BCAS3: variants seen among roughly 807,000 people sequenced by gnomAD.
The protein encoded by BCAS3 is BCAS3 microtubule associated cell migration factor, also known as BCAS4/BCAS3 fusion.
A neutral mutation model predicts 116.1 loss-of-function variants in BCAS3; 53 were observed. The observed-to-expected ratio is 0.46, with a 90% CI of 0.37 to 0.57. The LOEUF (loss-of-function observed/expected upper bound fraction) is 0.57. Ranked by LOEUF, BCAS3 falls within the 20% of genes least tolerant of loss-of-function variation. The pLI, the probability that BCAS3 is intolerant of heterozygous loss-of-function variation, is 0.00. For synonymous variants in BCAS3, 391 were observed against 408.2 expected, an observed-to-expected ratio of 0.96 and a Z score of 0.51; for missense variants, 917 against 1,165.4, an observed-to-expected ratio of 0.79 and a Z score of 3.10.
Position 60,747,268 on chromosome 17 carries a change from C to T in BCAS3, c.392C>T (p.Ala131Val), listed in dbSNP as rs951628149. 6.2e-7 allele frequency: 1 copy of T among 1,612,568 alleles called. No individual in the cohort carries two copies. The highest frequency in any genetic ancestry group is 1.3e-5 in the African/African-American group (1 of 74,914). ...ATTCGAGCGGCTAGAATCTTGCCTGCTCCACAGTTTGGTGAGTGTAGTCCT... is the reference window on the plus strand; with the variant it reads ...ATTCGAGCGGCTAGAATCTTGCCTGTTCCACAGTTTGGTGAGTGTAGTCCT... The part of the protein sequence containing the change: ...GPIRAARILP[A>V]PQFGAQKCDN... The change falls in exon 6 of 24, where the codon GCT (alanine) becomes GTT (valine). Residue 131 changes from alanine (A) to valine (V), a missense_variant. Physicochemically the swap from Ala to Val is moderately conservative, Grantham distance 64. Around this residue, in one of 3 missense-constraint regions of BCAS3, gnomAD observed 807 missense variants for 1,026.0 expected, o/e 0.79. Transcript: ENST00000407086.
intron 22 of BCAS3, among the ~76,000 whole-genome samples, chr17:61,127,169 T>A (rs2076089235): frequency 6.6e-6 from 1 of 152,170 alleles, no homozygotes; most frequent in African/African-American, 2.4e-5. Context: ...CAAGTATCAG[T>A]ACTTCTCTAT....
In BCAS3 at chr17:61,065,166, A is replaced by G. The variant is rs1051502470; in HGVS notation, c.2030-9754A>G. 1.3e-5 allele frequency among the ~76,000 whole-genome samples: 2 copies of G among 152,174 alleles called. No individual in the cohort carries two copies. Among genetic ancestry groups the G allele is most frequent in the African/African-American group, 2.4e-5 (1 of 41,454 alleles). On this transcript the variant is annotated intron_variant, in intron 19 of 23. Transcript: ENST00000407086. The surrounding 1 kb of genome is among the most constrained non-coding windows in gnomAD (Gnocchi z 4.8). ...GATAACTTGAATCATTAAATCTCCA[A>G]TTACTACGATTTAAATATGTTTGTT...
intron 7 of BCAS3, among the ~76,000 whole-genome samples, chr17:60,826,737 C>T (rs1202784430): frequency 6.6e-6 from 1 of 152,162 alleles, no homozygotes; most frequent in Admixed American, 6.5e-5. Context: ...CTTCTCATCT[C>T]TCCTGAGCTA....
Position 61,077,504 on chromosome 17 carries a change from G to A in BCAS3, c.2131-829G>A, listed in dbSNP as rs919762603. On this transcript the variant is annotated intron_variant, in intron 20 of 23. Transcript: ENST00000407086. The surrounding 1 kb of genome is among the most constrained non-coding windows in gnomAD (Gnocchi z 4.3). ...TGCACTCCAGTCTGGGCAACAGAGC[G>A]AGACTCCGTCTCAAAAAAAAAATGA... is the stretch of plus-strand genomic sequence containing the variant. Among the ~76,000 whole-genome samples, 2 of 151,916 alleles carry A rather than the reference G, an allele frequency of 1.3e-5. No individual in the cohort carries two copies. Among genetic ancestry groups the A allele is most frequent in the Non-Finnish European group, 2.9e-5 (2 of 67,968 alleles).
chr17:60,751,699 C>T (rs1316498293), intron 6 of BCAS3, among the ~76,000 whole-genome samples: 1 of 152,032 alleles, frequency 6.6e-6, no homozygotes, highest in Non-Finnish European at 1.5e-5. Flanking sequence ...TGTGCCACCA[C>T]ACCCGACTAG....
At chr17:60,712,690 C>T (rs775626122) in intron 5 of BCAS3, among the ~76,000 whole-genome samples, 2 of 151,968 alleles carry the variant, frequency 1.3e-5, no homozygotes, top group Non-Finnish European at 2.9e-5. Flanking sequence ...GGGAATTATC[C>T]CCTCTCCCTC....
chr17:60,728,184 C>G (rs545602398), intron 5 of BCAS3, among the ~76,000 whole-genome samples: 37 of 152,198 alleles, frequency 2.4e-4, no homozygotes, highest in African/African-American at 8.9e-4. Context: ...TAATATCACA[C>G]AGAATACTCT....
rs766636406 is a variant in BCAS3 at position 60,693,417 on chromosome 17, A to ATT, written c.214+3666_214+3667dup. Among the ~76,000 whole-genome samples, 10 of 146,848 alleles carry ATT rather than the reference A, an allele frequency of 6.8e-5. 1 individual carries two copies. Among genetic ancestry groups the ATT allele is most frequent in the African/African-American group, 2.3e-4 (9 of 39,954 alleles). Reference sequence around the variant, plus strand: ...TACTTCATACTTGGCCAGTTTTTGTATTTTTTTTTTTGACAGAGTCTCACT... The same window carrying ATT: ...TACTTCATACTTGGCCAGTTTTTGTATTTTTTTTTTTTTGACAGAGTCTCACT... On this transcript the variant is annotated intron_variant, in intron 4 of 23. Coordinates refer to ENST00000407086, the MANE Select transcript of BCAS3 (RefSeq NM_017679.5).
intron 22 of BCAS3, among the ~76,000 whole-genome samples, chr17:61,284,497 T>G (rs1018038591): frequency 6.6e-6 from 1 of 152,112 alleles, no homozygotes; most frequent in Non-Finnish European, 1.5e-5. Flanking sequence ...ACTGTAACAC[T>G]CATCGCGAGG....
At chr17:60,955,871 C>G (rs772705457) in intron 14 of BCAS3, among the ~76,000 whole-genome samples, 6 of 152,170 alleles carry the variant, frequency 3.9e-5, no homozygotes, top group South Asian at 2.1e-4. Context: ...ACAGGAATGT[C>G]ACAGAGTAGG....
rs185102160 is a variant in BCAS3, at chr17:60,872,242, A to G, written c.585-2420A>G. ...AAATAAATTATGAGAAGGAATGAGAATATTATATGCGTGTATGTGTATATA... is the reference window on the plus strand; with the variant it reads ...AAATAAATTATGAGAAGGAATGAGAGTATTATATGCGTGTATGTGTATATA... On this transcript the variant is annotated intron_variant, in intron 8 of 23. Transcript: ENST00000407086. Among the ~76,000 whole-genome samples the G allele has an allele frequency of 1.4e-3, 208 of 151,956 alleles. 1 individual carries two copies. The highest frequency in any genetic ancestry group is 5.6e-4 in the Non-Finnish European group (38 of 67,872).
chr17:60,709,689 T>C (rs1242840251), intron 5 of BCAS3: 1 of 232,362 alleles, frequency 4.3e-6, no homozygotes, highest in Non-Finnish European at 8.4e-6. Flanking sequence ...GCACCCAGCA[T>C]ATGTCTGTGT....
At chr17:60,769,173 C>T (rs1211849373) in intron 6 of BCAS3, among the ~76,000 whole-genome samples, 1 of 152,114 alleles carries the variant, frequency 6.6e-6, no homozygotes, top group Non-Finnish European at 1.5e-5. Context: ...ACTAGACTGG[C>T]TGGATGAGTA....
At chr17:60,941,090 C>CA (rs1183679374) in intron 13 of BCAS3, among the ~76,000 whole-genome samples, 19 of 152,344 alleles carry the variant, frequency 1.2e-4, no homozygotes, top group African/African-American at 3.8e-4. Flanking sequence ...CTTGAATCCC[C>CA]ACCCTCTAAC....
Position 61,211,663 on chromosome 17 carries a change from T to C in BCAS3, c.2425+127099T>C, listed in dbSNP as rs1201115970. On this transcript the variant is annotated intron_variant, in intron 22 of 23. Transcript: ENST00000407086. The surrounding 1 kb of genome is among the most constrained non-coding windows in gnomAD (Gnocchi z 4.4). ...CTTCTTATGTTTGCATCCAGGTCAT[T>C]TCTCCATAAAAAAAAAAAAAAAATG... Among the ~76,000 whole-genome samples, 3 of 71,018 alleles carry C rather than the reference T, an allele frequency of 4.2e-5. No homozygotes were observed. Among genetic ancestry groups the C allele is most frequent in the African/African-American group, 1.2e-4 (3 of 24,448 alleles). The allele number at this position is 71,018 out of a possible 152,430, so 46.6% of individuals were successfully genotyped here. A position where few individuals can be genotyped will look rare whatever the true frequency, so the allele number is the denominator to read the frequency against.
rs140250209 is a variant in BCAS3, at chr17:61,011,753, A to C, written c.1487-3998A>C. 7.4e-4 allele frequency among the ~76,000 whole-genome samples: 113 copies of C among 152,214 alleles called. 2 individuals carry two copies. The East Asian group carries it at 0.014, about 18-fold the overall frequency. Reference sequence around the variant, plus strand: ...TTTGTTAGATTCTAGCTGAATTTTCAAAGAAAATCCAAGACAGTGTAAATA... The same window carrying C: ...TTTGTTAGATTCTAGCTGAATTTTCCAAGAAAATCCAAGACAGTGTAAATA... On this transcript the variant is annotated intron_variant, in intron 15 of 23. Transcript: ENST00000407086.
At chr17:60,904,383 G>A (rs2058078093) in intron 11 of BCAS3, among the ~76,000 whole-genome samples, 1 of 151,398 alleles carries the variant, frequency 6.6e-6, no homozygotes, top group African/African-American at 2.4e-5. Context: ...CAGCCTGGGC[G>A]ACACAGCGAG....
At chr17:60,679,825 G>A (rs2143784455) in intron 2 of BCAS3, among the ~76,000 whole-genome samples, 1 of 152,250 alleles carries the variant, frequency 6.6e-6, no homozygotes, top group Admixed American at 6.5e-5. Context: ...TCAGTTTAGT[G>A]GGTCAGGAGT....
intron 22 of BCAS3, among the ~76,000 whole-genome samples, chr17:61,304,483 T>C (rs1342104316): frequency 2.6e-5 from 4 of 152,228 alleles, no homozygotes; most frequent in African/African-American, 9.6e-5. Flanking sequence ...TAGAGTGTCC[T>C]TCTTGCTCTT....
Sources: allele counts gnomAD v4.1 joint callset (sites outside exome capture counted in the v4.1 genomes callset), GRCh38; gene constraint gnomAD v4.1.1; regional missense constraint gnomAD v4.1.1; non-coding constraint Gnocchi (gnomAD v3.1); transcripts MANE v1.5; gene names NCBI Gene and HGNC (gene_info 2026-07-23, HGNC 2026-07-21).